Variants in RANBP2 observed in about 807,000 individuals in gnomAD.
The protein encoded by RANBP2 is RAN binding protein 2, also known as E3 SUMO-protein ligase RanBP2.
Under a neutral mutation model 303.6 loss-of-function variants are expected in RANBP2, and 57 were observed. That is an observed-to-expected ratio of 0.19 (90% CI 0.15 to 0.23). The LOEUF is 0.23. Among genes scored for constraint, RANBP2 ranks in the 10% least tolerant of loss-of-function variants. The probability of loss-of-function intolerance (pLI) is 1.00; values close to 1 mark genes in which losing one functional copy is unlikely to be tolerated. For missense variants in RANBP2, 3,138 were observed against 3,780.8 expected (o/e 0.83, Z 4.46); for synonymous variants, 1,167 against 1,301.5 (o/e 0.90, Z 2.23).
the RANBP2 span, among the ~76,000 whole-genome samples, chr2:108,866,125 T>G: frequency 6.6e-6 from 1 of 152,190 alleles, no homozygotes; most frequent in Non-Finnish European, 1.5e-5. Context: ...TCTTAAAGTT[T>G]CTGGATTTCA....
chr2:109,634,859 A>G, the RANBP2 span, among the ~76,000 whole-genome samples: 143 of 152,356 alleles, frequency 9.4e-4, 2 homozygotes, highest in Non-Finnish European at 1.4e-3. Flanking sequence ...CATGTTCATG[A>G]AGAAATAAAA....
the RANBP2 span, among the ~76,000 whole-genome samples, chr2:109,003,205 C>CAAAAA: frequency 4.2e-4 from 19 of 45,406 alleles, no homozygotes; most frequent in African/African-American, 8.1e-4. Flanking sequence ...GTCTCCCTCT[C>CAAAAA]AAAAAAAAAA....
the RANBP2 span, among the ~76,000 whole-genome samples, chr2:108,867,489 T>C: frequency 6.6e-6 from 1 of 152,220 alleles, no homozygotes; most frequent in Non-Finnish European, 1.5e-5. Context: ...GAATATGGAT[T>C]ACCCTGCTCC....
At chr2:109,053,030 G>T in the RANBP2 span, among the ~76,000 whole-genome samples, 1 of 152,160 alleles carries the variant, frequency 6.6e-6, no homozygotes, top group Non-Finnish European at 1.5e-5. Flanking sequence ...CTCTTCTCCT[G>T]GTCCAAATTT....
chr2:108,745,911 T>TC (rs1484457355), intron 7 of RANBP2, among the ~76,000 whole-genome samples: 4 of 151,136 alleles, frequency 2.6e-5, no homozygotes, highest in African/African-American at 9.8e-5. Context: ...CTTTTTTTTT[T>TC]TTTTCTTTTT....
chr2:109,447,362 A>G, the RANBP2 span, among the ~76,000 whole-genome samples: 1 of 152,088 alleles, frequency 6.6e-6, no homozygotes, highest in African/African-American at 2.4e-5. Context: ...TGTATGTCTC[A>G]CGGTGCTACT....
At chr2:109,312,542 T>A in the RANBP2 span, among the ~76,000 whole-genome samples, 1 of 152,138 alleles carries the variant, frequency 6.6e-6, no homozygotes, top group Admixed American at 6.5e-5. Flanking sequence ...GGGCCCCTTC[T>A]TCCTGGCCCC....
the RANBP2 span, among the ~76,000 whole-genome samples, chr2:109,531,322 G>A: frequency 6.6e-6 from 1 of 152,180 alleles, no homozygotes; most frequent in Non-Finnish European, 1.5e-5. Context: ...CAGGGCTCAG[G>A]ACGTGGTATG....
the RANBP2 span, among the ~76,000 whole-genome samples, chr2:109,038,136 A>G: frequency 1.3e-5 from 2 of 152,228 alleles, no homozygotes; most frequent in African/African-American, 4.8e-5. Flanking sequence ...AGACCCACAC[A>G]AACATGCTCG....
chr2:109,031,368 G>A, the RANBP2 span, among the ~76,000 whole-genome samples: 2 of 152,120 alleles, frequency 1.3e-5, no homozygotes, highest in Admixed American at 6.5e-5. Context: ...CGGAAGGGAG[G>A]AAACAGCTTC....
the RANBP2 span, among the ~76,000 whole-genome samples, chr2:109,044,827 T>C: frequency 2.6e-5 from 4 of 152,300 alleles, no homozygotes; most frequent in South Asian, 4.1e-4. Context: ...ATTCTTTATC[T>C]GAAAAGCAGG....
the RANBP2 span, among the ~76,000 whole-genome samples, chr2:109,686,372 T>G: frequency 6.6e-6 from 1 of 152,326 alleles, no homozygotes; most frequent in East Asian, 1.9e-4. Context: ...TGGAGTGCAG[T>G]GGCACAATCT....
the RANBP2 span, among the ~76,000 whole-genome samples, chr2:109,157,686 C>T: frequency 1.3e-5 from 2 of 152,162 alleles, no homozygotes; most frequent in African/African-American, 2.4e-5. Context: ...TACTGAGCTG[C>T]CTGTTTTATC....
the RANBP2 span, among the ~76,000 whole-genome samples, chr2:109,169,907 G>A: frequency 6.6e-6 from 1 of 152,106 alleles, no homozygotes; most frequent in African/African-American, 2.4e-5. Flanking sequence ...CATGGCAGGT[G>A]CTTTATATTG....
chr2:109,656,024 A>C, the RANBP2 span, among the ~76,000 whole-genome samples: 1 of 152,132 alleles, frequency 6.6e-6, no homozygotes, highest in Non-Finnish European at 1.5e-5. Context: ...CCATTCTTCT[A>C]AGTCTAGTTC....
chr2:109,759,696 TGCTTTTCTGATCC>T, the RANBP2 span: 2 of 58,960 alleles, frequency 3.4e-5, no homozygotes, highest in Admixed American at 1.8e-4. Flanking sequence ...TGATAGGAGA[TGCTTTTCTGATCC>T]GCTTTTATGA....
At chr2:109,079,016 G>A in the RANBP2 span, among the ~76,000 whole-genome samples, 884 of 152,182 alleles carry the variant, frequency 5.8e-3, 6 homozygotes, top group Middle Eastern at 0.01. Context: ...CATGTGAAGG[G>A]ATGGATATGT....
chr2:108,782,827 A>G lies in RANBP2; in HGVS notation c.9334A>G (p.Ile3112Val), dbSNP rs770923091. ...GEKGFGFKNS[I>V]FHRVIPDFVC... ...GAAAGGCTTTGGTTTCAAGAATTCC[A>G]TTTTTCACAGAGTAATTCCAGATTT... Residue 3112 changes from isoleucine to valine, a missense_variant, in exon 28 of 29, where the codon ATT (isoleucine) becomes GTT (valine). Ile to Val is a conservative substitution (Grantham distance 29, BLOSUM62 3). Around this residue, in one of 20 missense-constraint regions of RANBP2, gnomAD observed 204 missense variants for 228.4 expected, o/e 0.89. Coordinates refer to ENST00000283195, the MANE Select transcript of RANBP2 (RefSeq NM_006267.5). 53 of 1,613,916 alleles carry G rather than the reference A, an allele frequency of 3.3e-5. No homozygotes were observed. Among genetic ancestry groups the G allele is most frequent in the Non-Finnish European group, 4.3e-5 (51 of 1,180,006 alleles).
At chr2:108,799,925 A>G in the RANBP2 span, among the ~76,000 whole-genome samples, 2 of 152,040 alleles carry the variant, frequency 1.3e-5, no homozygotes, top group Admixed American at 6.5e-5. Flanking sequence ...TATTTTTGAT[A>G]TTTAAAAATT....
Sources: allele counts gnomAD v4.1 joint callset (sites outside exome capture counted in the v4.1 genomes callset), GRCh38; gene constraint gnomAD v4.1.1; regional missense constraint gnomAD v4.1.1; transcripts MANE v1.5; gene names NCBI Gene and HGNC (gene_info 2026-07-23, HGNC 2026-07-21).